Variants in SLC25A48 observed in about 807,000 individuals in gnomAD.
SLC25A48 encodes the protein CTC-321K16.1.
Under a neutral mutation model 32.2 loss-of-function variants are expected in SLC25A48, and 29 were observed. The observed-to-expected ratio is 0.90, with a 90% CI of 0.67 to 1.23. The LOEUF (loss-of-function observed/expected upper bound fraction) is 1.23. SLC25A48 is among the 50% of genes most tolerant of loss of function. The probability of loss-of-function intolerance (pLI) is 0.00; values close to 1 mark genes in which losing one functional copy is unlikely to be tolerated. For synonymous variants in SLC25A48, 164 were observed against 172.3 expected (o/e 0.95, Z 0.38); for missense variants, 399 against 422.7 (o/e 0.94, Z 0.49).
At chr5:135,818,078 TCTCTCTCTCTCTCTCTC>T (rs1580912618) in intron 4 of SLC25A48, among the ~76,000 whole-genome samples, 1 of 110,338 alleles carries the variant, frequency 9.1e-6, no homozygotes, top group East Asian at 2.3e-4. Context: ...TCTCTCTCTC[TCTCTCTCTCTCTCTCTC>T]TCTCTCTCTC....
intron 3 of SLC25A48, among the ~76,000 whole-genome samples, chr5:135,662,076 C>G (rs1025689955): frequency 6.6e-6 from 1 of 152,208 alleles, no homozygotes; most frequent in African/African-American, 2.4e-5. Flanking sequence ...ATCCCTTCCA[C>G]ACACCCACCC....
At chr5:135,840,874 C>T (rs1758929740) in intron 1 of SLC25A48, among the ~76,000 whole-genome samples, 1 of 152,014 alleles carries the variant, frequency 6.6e-6, no homozygotes. Flanking sequence ...ACAATGTTGC[C>T]GTGATGTGTG....
chr5:135,657,119 G>T (rs1357050709), intron 3 of SLC25A48, among the ~76,000 whole-genome samples: 1 of 152,148 alleles, frequency 6.6e-6, no homozygotes, highest in African/African-American at 2.4e-5. Context: ...CAGAGGGTGA[G>T]TGTTGCAAAG....
intron 1 of SLC25A48, chr5:135,601,285 T>A (rs1182488137): frequency 6.6e-6 from 1 of 152,274 alleles, no homozygotes; most frequent in East Asian, 1.9e-4. Context: ...TGAAGCTCTC[T>A]GGTGGGGGTC....
chr5:135,847,692 G>T (rs1759533890), intron 2 of SLC25A48, among the ~76,000 whole-genome samples: 1 of 152,140 alleles, frequency 6.6e-6, no homozygotes, highest in South Asian at 2.1e-4. Context: ...GAGAAGAGGA[G>T]CCATGATGCT....
chr5:135,615,950 G>T (rs930912255), intron 1 of SLC25A48, among the ~76,000 whole-genome samples: 1 of 152,342 alleles, frequency 6.6e-6, no homozygotes, highest in Non-Finnish European at 1.5e-5. Context: ...TGGCTCAAAG[G>T]GTCCCAGGTA....
At chr5:135,726,200 GT>G (rs1755084582) in intron 3 of SLC25A48, among the ~76,000 whole-genome samples, 1 of 152,222 alleles carries the variant, frequency 6.6e-6, no homozygotes, top group Non-Finnish European at 1.5e-5. Context: ...ATGTCTGCCA[GT>G]TTTCTGGGGA....
At chr5:135,860,560 A>AT (rs1269190752) in intron 4 of SLC25A48, among the ~76,000 whole-genome samples, 1 of 152,238 alleles carries the variant, frequency 6.6e-6, no homozygotes, top group Admixed American at 6.5e-5. Context: ...AAAAAGGTAG[A>AT]TTTTTTTCAT....
At chr5:135,802,566 C>A (rs1757357639) in intron 3 of SLC25A48, among the ~76,000 whole-genome samples, 1 of 151,306 alleles carries the variant, frequency 6.6e-6, no homozygotes, top group African/African-American at 2.4e-5. Flanking sequence ...TGTGTGTACA[C>A]CCTGTGATAT....
At chr5:135,591,939 C>T (rs1240944916) in intron 1 of SLC25A48, among the ~76,000 whole-genome samples, 2 of 152,284 alleles carry the variant, frequency 1.3e-5, no homozygotes, top group African/African-American at 2.4e-5. Context: ...AGCTTCTTGG[C>T]TGAACCTGCC....
intron 4 of SLC25A48, among the ~76,000 whole-genome samples, chr5:135,871,101 A>G (rs1433295620): frequency 8.0e-6 from 1 of 125,036 alleles, no homozygotes; most frequent in Non-Finnish European, 1.7e-5. Flanking sequence ...ACACACACAC[A>G]CACACACACA....
intron 4 of SLC25A48, 34 bp from the exon 5 acceptor site, chr5:135,871,427 G>A: frequency 6.4e-7 from 1 of 1,558,414 alleles, no homozygotes; most frequent in Non-Finnish European, 8.7e-7. Flanking sequence ...TACACCCTGG[G>A]TCACTTGCCA....
intron 1 of SLC25A48, among the ~76,000 whole-genome samples, chr5:135,618,207 G>A (rs563778652): frequency 1.3e-5 from 2 of 152,180 alleles, no homozygotes; most frequent in Non-Finnish European, 2.9e-5. Flanking sequence ...CTTAAAGTCT[G>A]TTTTATCTGA....
upstream of SLC25A48, among the ~76,000 whole-genome samples, chr5:135,834,309 C>T (rs1758323902): frequency 6.6e-6 from 1 of 152,196 alleles, no homozygotes; most frequent in Non-Finnish European, 1.5e-5. Context: ...CTGCTCTAGG[C>T]ACGGGGTACT....
chr5:135,655,520 A>T (rs1350783946), intron 3 of SLC25A48, among the ~76,000 whole-genome samples: 1 of 152,082 alleles, frequency 6.6e-6, no homozygotes, highest in Admixed American at 6.5e-5. Context: ...TATCTTCCAG[A>T]GTTTGCCAAG....
chr5:135,873,991 C>G, intron 5 of SLC25A48, 30 bp from the exon 6 acceptor site: 1 of 1,519,084 alleles, frequency 6.6e-7, no homozygotes, highest in Non-Finnish European at 8.8e-7. Context: ...AAGGAGCTAG[C>G]CCCTGACACC....
intron 3 of SLC25A48, among the ~76,000 whole-genome samples, chr5:135,852,122 T>C (rs1759920283): frequency 6.6e-6 from 1 of 152,140 alleles, no homozygotes. Flanking sequence ...GGCTGTTTCT[T>C]CCTTATGGTT....
Position 135,834,703 on chromosome 5 carries a change from TG to T in SLC25A48, c.-140del. The stretch of plus-strand genomic sequence containing the variant: ...CGCGGCAGCCCGCGCAGCCGGTGAC[TG>T]GGGGACTGGGTTTGGAGTAGGACCT... On this transcript the variant is annotated 5_prime_UTR_variant, in exon 1 of 8. Coordinates refer to ENST00000681962, the MANE Select transcript of SLC25A48 (RefSeq NM_001349336.2). The T allele has an allele frequency of 1.1e-6, 1 of 874,492 alleles. No homozygotes were observed. Among genetic ancestry groups the T allele is most frequent in the Non-Finnish European group, 1.7e-6 (1 of 584,744 alleles). The allele number at this position is 874,492 out of a possible 1,614,324, so 54.2% of individuals were successfully genotyped here.
At chr5:135,776,144 A>G (rs944216814) in intron 3 of SLC25A48, among the ~76,000 whole-genome samples, 2 of 151,786 alleles carry the variant, frequency 1.3e-5, no homozygotes, top group African/African-American at 4.8e-5. Flanking sequence ...ACTACTACCA[A>G]TATCGTAGGG....
Sources: gnomAD v4.1 joint callset for allele counts (sites outside exome capture counted in the v4.1 genomes callset) on GRCh38, gnomAD v4.1.1 for gene constraint, MANE v1.5 for transcripts, NCBI Gene and HGNC (gene_info 2026-07-23, HGNC 2026-07-21) for gene names.